The following TBC1D32 variants were observed in gnomAD, a reference collection of about 807,000 sequenced individuals.
TBC1D32 encodes TBC1 domain family member 32.
TBC1D32 carries 151 observed loss-of-function variants against 170.3 expected under a neutral mutation model. The ratio of observed to expected loss-of-function variants is 0.89; its 90% CI spans 0.78 to 1.01. The LOEUF is 1.01. Ranked by LOEUF, TBC1D32 falls within the 50% of genes least tolerant of loss-of-function variation. TBC1D32 has a pLI of 0.00. For synonymous variants in TBC1D32, 498 were observed against 488.0 expected (o/e 1.02, Z -0.27); for missense variants, 1,464 against 1,457.1 (o/e 1.00, Z -0.08).
intron 3 of TBC1D32, among the ~76,000 whole-genome samples, chr6:121,316,192 G>A (rs10499107): frequency 0.024 from 3,679 of 152,090 alleles, 161 homozygotes; most frequent in East Asian, 0.12. Context: ...TTTGGAATTC[G>A]ACAAGGTCTT....
At chr6:121,219,820 T>C (rs1794287770) in intron 21 of TBC1D32, among the ~76,000 whole-genome samples, 2 of 152,264 alleles carry the variant, frequency 1.3e-5, no homozygotes. Flanking sequence ...TGTGTTCACT[T>C]TGTGTCTCTG....
At chr6:121,287,197 C>T (rs978844388) in intron 12 of TBC1D32, among the ~76,000 whole-genome samples, 1 of 152,128 alleles carries the variant, frequency 6.6e-6, no homozygotes, top group East Asian at 1.9e-4. Flanking sequence ...AATTAAAAGA[C>T]ACGGAGTAGC....
In TBC1D32 at chr6:121,334,459, T is replaced by C. The variant is rs754471541; in HGVS notation, c.-29A>G. Reference sequence around the variant, plus strand: ...GTTGGAATCAAACGTCCACTCTCATTACTCCAGGTCCGAGCAAAAGCCGCG... The same window carrying C: ...GTTGGAATCAAACGTCCACTCTCATCACTCCAGGTCCGAGCAAAAGCCGCG... On this transcript the variant is annotated 5_prime_UTR_variant, in exon 1 of 32. Coordinates refer to ENST00000398212, the MANE Select transcript of TBC1D32 (RefSeq NM_152730.6). The C allele has an allele frequency of 3.1e-6, 5 of 1,603,674 alleles. No individual in the cohort carries two copies. The South Asian group carries it at 4.4e-5, about 14-fold the overall frequency.
chr6:121,237,909 A>G (rs1255889572), intron 20 of TBC1D32, among the ~76,000 whole-genome samples: 1 of 152,136 alleles, frequency 6.6e-6, no homozygotes, highest in Non-Finnish European at 1.5e-5. Flanking sequence ...TGTATCCCAT[A>G]CATTGTGAGA....
At chr6:121,304,045 C>G (rs1197297694) in intron 8 of TBC1D32, among the ~76,000 whole-genome samples, 1 of 150,798 alleles carries the variant, frequency 6.6e-6, no homozygotes, top group African/African-American at 2.4e-5. Flanking sequence ...ATTTAAGGAA[C>G]TTGTCCAAAA....
chr6:121,270,138 T>A (rs1012115543), intron 15 of TBC1D32, among the ~76,000 whole-genome samples: 2 of 151,976 alleles, frequency 1.3e-5, no homozygotes, highest in African/African-American at 4.8e-5. Context: ...TTTATAGCAC[T>A]AAATGCCCAC....
chr6:121,161,365 C>CT (rs1785628559), intron 22 of TBC1D32, among the ~76,000 whole-genome samples: 1 of 152,166 alleles, frequency 6.6e-6, no homozygotes, highest in Middle Eastern at 3.2e-3. Flanking sequence ...GCTTCACCCT[C>CT]TAACAGGCCC....
intron 30 of TBC1D32, chr6:121,096,396 C>A (rs1424161073): frequency 6.6e-6 from 1 of 151,980 alleles, no homozygotes; most frequent in African/African-American, 2.4e-5. Flanking sequence ...TTCCTATACA[C>A]CAATAACAGA....
chr6:121,296,609 T>C (rs1163757800), intron 10 of TBC1D32, among the ~76,000 whole-genome samples: 1 of 152,112 alleles, frequency 6.6e-6, no homozygotes, highest in Admixed American at 6.6e-5. Flanking sequence ...ATAAAGTATT[T>C]TGAGTCCATC....
intron 22 of TBC1D32, among the ~76,000 whole-genome samples, chr6:121,172,139 T>C (rs886747055): frequency 6.6e-6 from 1 of 152,138 alleles, no homozygotes; most frequent in Non-Finnish European, 1.5e-5. Flanking sequence ...ACGTAAGATG[T>C]GCCTTTCACC....
intron 30 of TBC1D32, among the ~76,000 whole-genome samples, chr6:121,095,696 T>C (rs919080674): frequency 2.0e-5 from 3 of 152,020 alleles, no homozygotes; most frequent in Non-Finnish European, 4.4e-5. Flanking sequence ...ATAATCGTGG[T>C]TTTTGTCATT....
At chr6:121,273,365 T>C (rs1308956210) in intron 15 of TBC1D32, among the ~76,000 whole-genome samples, 2 of 151,398 alleles carry the variant, frequency 1.3e-5, no homozygotes, top group Non-Finnish European at 2.9e-5. Context: ...CTGGAAACCA[T>C]CATTCTCAGC....
chr6:121,124,282 T>G (rs974449066), intron 26 of TBC1D32, among the ~76,000 whole-genome samples: 7 of 152,136 alleles, frequency 4.6e-5, no homozygotes, highest in Admixed American at 4.6e-4. Context: ...TTCTTAAGGA[T>G]AGCTTTCCTG....
chr6:121,290,640 C>T (rs1458961729), intron 12 of TBC1D32, among the ~76,000 whole-genome samples: 1 of 152,104 alleles, frequency 6.6e-6, no homozygotes, highest in African/African-American at 2.4e-5. Context: ...CCCAGCAGTC[C>T]CATTACTGGG....
chr6:121,298,183 A>T (rs1354869602), intron 10 of TBC1D32, among the ~76,000 whole-genome samples: 1 of 152,096 alleles, frequency 6.6e-6, no homozygotes, highest in East Asian at 1.9e-4. Flanking sequence ...TATTTTGTAA[A>T]TGTAGGAAAG....
chr6:121,185,631 C>A (rs952517025), intron 22 of TBC1D32, among the ~76,000 whole-genome samples: 5 of 152,032 alleles, frequency 3.3e-5, no homozygotes, highest in African/African-American at 1.2e-4. Context: ...CAACAAGCTA[C>A]CTAGTGGCAG....
In TBC1D32 at chr6:121,162,681, G is replaced by A. The variant is rs887740195; in HGVS notation, c.2571-1625C>T. 4.6e-5 allele frequency among the ~76,000 whole-genome samples: 7 copies of A among 152,178 alleles called. No individual in the cohort carries two copies. In the East Asian group the frequency reaches 1.2e-3, roughly 25 times the overall value. ...TCTCAGCCCAAAAGCTTCTTAAGCT[G>A]ACAAGCAAAGTCTCAGGATACAAAA... On this transcript the variant is annotated intron_variant, in intron 22 of 31. Coordinates refer to ENST00000398212, the MANE Select transcript of TBC1D32 (RefSeq NM_152730.6).
chr6:121,155,685 T>C (rs1444339868), intron 24 of TBC1D32, among the ~76,000 whole-genome samples: 1 of 152,160 alleles, frequency 6.6e-6, no homozygotes, highest in Non-Finnish European at 1.5e-5. Flanking sequence ...TGTTCCTTTA[T>C]GCCTAGCCTA....
intron 17 of TBC1D32, among the ~76,000 whole-genome samples, chr6:121,247,346 T>C (rs977131564): frequency 2.6e-5 from 4 of 151,842 alleles, no homozygotes; most frequent in African/African-American, 9.7e-5. Flanking sequence ...AAATAAATCT[T>C]GATATACACC....
Sources: allele counts gnomAD v4.1 joint callset (sites outside exome capture counted in the v4.1 genomes callset), GRCh38; gene constraint gnomAD v4.1.1; transcripts MANE v1.5; gene names NCBI Gene and HGNC (gene_info 2026-07-23, HGNC 2026-07-21).